The following NRXN3 variants were observed in gnomAD, a reference collection of about 807,000 sequenced individuals.
NRXN3 encodes neurexin 3.
A neutral mutation model predicts 137.6 loss-of-function variants in NRXN3; 32 were observed. The ratio of observed to expected loss-of-function variants is 0.23; its 90% CI spans 0.18 to 0.31. The LOEUF is 0.31. Ranked by LOEUF, NRXN3 falls within the 10% of genes least tolerant of loss-of-function variation. NRXN3 has a pLI of 1.00. For synonymous variants in NRXN3, 798 were observed against 784.5 expected (o/e 1.02, Z -0.29); for missense variants, 1,574 against 2,062.5 (o/e 0.76, Z 4.59).
chr14:79,094,015 T>G (rs961502282), intron 15 of NRXN3, among the ~76,000 whole-genome samples: 1 of 152,132 alleles, frequency 6.6e-6, no homozygotes, highest in South Asian at 2.1e-4. Context: ...AGGAGCCCCC[T>G]AAGTCAAGCT....
chr14:79,589,632 T>C (rs2097787863), intron 16 of NRXN3, among the ~76,000 whole-genome samples: 1 of 150,680 alleles, frequency 6.6e-6, no homozygotes, highest in South Asian at 2.1e-4. Flanking sequence ...TTAGAATATA[T>C]TTTATCAAAA....
chr14:79,038,348 G>C (rs961907770), intron 15 of NRXN3, among the ~76,000 whole-genome samples: 3 of 152,086 alleles, frequency 2.0e-5, no homozygotes, highest in Admixed American at 6.6e-5. Context: ...ACCCTTAATA[G>C]TGGAGAAGAA....
chr14:78,464,241 A>G (rs545587220), intron 4 of NRXN3, among the ~76,000 whole-genome samples: 2 of 152,094 alleles, frequency 1.3e-5, no homozygotes, highest in Admixed American at 1.3e-4. Flanking sequence ...TTTTTAGTAG[A>G]GACTGGGTTT....
chr14:78,827,564 G>A (rs2098970439), intron 10 of NRXN3, among the ~76,000 whole-genome samples: 1 of 152,222 alleles, frequency 6.6e-6, no homozygotes, highest in South Asian at 2.1e-4. Flanking sequence ...CAGTGAAAGT[G>A]AAACACTTGC....
intron 16 of NRXN3, among the ~76,000 whole-genome samples, chr14:79,567,941 A>T (rs1389870356): frequency 6.6e-6 from 1 of 152,130 alleles, no homozygotes; most frequent in African/African-American, 2.4e-5. Flanking sequence ...CTGAAATCAC[A>T]GCACTTAGGG....
chr14:79,029,223 G>T (rs2099603433), intron 15 of NRXN3, among the ~76,000 whole-genome samples: 1 of 152,088 alleles, frequency 6.6e-6, no homozygotes, highest in South Asian at 2.1e-4. Flanking sequence ...GTTTGTGGTG[G>T]TTACTTGCCC....
chr14:78,379,562 T>G (rs2088642400), intron 4 of NRXN3, among the ~76,000 whole-genome samples: 1 of 152,180 alleles, frequency 6.6e-6, no homozygotes. Context: ...ATTCAACACT[T>G]CTTTATGATA....
chr14:79,418,994 A>C (rs780874894), intron 15 of NRXN3, among the ~76,000 whole-genome samples: 2 of 152,230 alleles, frequency 1.3e-5, no homozygotes, highest in Admixed American at 6.5e-5. Flanking sequence ...GATTGTCTGC[A>C]GTAGGGCAGG....
chr14:79,712,607 CTTTG>C (rs1295411741), intron 19 of NRXN3, among the ~76,000 whole-genome samples: 5 of 152,272 alleles, frequency 3.3e-5, no homozygotes, highest in South Asian at 2.1e-4. Context: ...TCCTGTAACT[CTTTG>C]TTTGTTAATG....
chr14:78,517,528 A>G (rs1020151589), intron 4 of NRXN3, among the ~76,000 whole-genome samples: 43 of 152,142 alleles, frequency 2.8e-4, no homozygotes, highest in African/African-American at 1.0e-3. Context: ...CAAAAAGCCC[A>G]TATGCTATCT....
chr14:79,151,271 G>A (rs1370597771), intron 15 of NRXN3, among the ~76,000 whole-genome samples: 2 of 152,006 alleles, frequency 1.3e-5, no homozygotes, highest in East Asian at 1.9e-4. Context: ...AAAGCCTCAA[G>A]ACTTCCAAAA....
At chr14:79,493,398 C>G (rs745788350) in intron 16 of NRXN3, among the ~76,000 whole-genome samples, 8 of 152,238 alleles carry the variant, frequency 5.3e-5, no homozygotes, top group Non-Finnish European at 1.0e-4. Flanking sequence ...TAGCCCAGAA[C>G]AGTGCCTACA....
rs151335414 is a variant in NRXN3, at chr14:78,993,406, A to G, written c.3262+5265A>G. Among the ~76,000 whole-genome samples, 553 of 152,246 alleles carry G rather than the reference A, an allele frequency of 3.6e-3. 2 individuals are homozygous for G. The highest frequency in any genetic ancestry group is 0.013 in the African/African-American group (528 of 41,526). ...TAAAAACCTATGTTGTTATGAACCT[A>G]TGTTGTTCCAGACCTATTGGTATAG... On this transcript the variant is annotated intron_variant, in intron 15 of 20. Transcript: ENST00000335750.
At chr14:79,535,467 G>A (rs540096189) in intron 16 of NRXN3, among the ~76,000 whole-genome samples, 4 of 152,070 alleles carry the variant, frequency 2.6e-5, no homozygotes, top group Non-Finnish European at 5.9e-5. Flanking sequence ...TTTGAGGATG[G>A]GAGGAAGCTT....
chr14:78,171,984 G>A (rs1216806593), intron 1 of NRXN3, among the ~76,000 whole-genome samples: 1 of 152,100 alleles, frequency 6.6e-6, no homozygotes. Flanking sequence ...AGAGCTGGTA[G>A]GACAAGAGCT....
intron 15 of NRXN3, among the ~76,000 whole-genome samples, chr14:79,394,717 TATATC>T (rs1480071056): frequency 1.3e-5 from 2 of 152,226 alleles, no homozygotes; most frequent in Non-Finnish European, 2.9e-5. Flanking sequence ...ATGTAAATAT[TATATC>T]AATACCAGTA....
At chr14:79,406,831 A>G (rs924381256) in intron 15 of NRXN3, among the ~76,000 whole-genome samples, 1 of 152,120 alleles carries the variant, frequency 6.6e-6, no homozygotes, top group African/African-American at 2.4e-5. Flanking sequence ...TTAAAGGATT[A>G]TTTATGTTTT....
chr14:79,034,513 A>G (rs4903811), intron 15 of NRXN3, among the ~76,000 whole-genome samples: 58,046 of 152,076 alleles, frequency 0.38, 11,641 homozygotes, highest in Admixed American at 0.49. Context: ...TCTGGGAAAT[A>G]GGAAAAGTGG....
At chr14:79,431,433 C>A (rs1345098444) in intron 15 of NRXN3, among the ~76,000 whole-genome samples, 1 of 152,118 alleles carries the variant, frequency 6.6e-6, no homozygotes, top group East Asian at 1.9e-4. Context: ...AAAATGAAGT[C>A]TTTTAAGAGA....
Sources: gnomAD v4.1 joint callset for allele counts (sites outside exome capture counted in the v4.1 genomes callset) on GRCh38, gnomAD v4.1.1 for gene constraint, MANE v1.5 for transcripts, NCBI Gene and HGNC (gene_info 2026-07-23, HGNC 2026-07-21) for gene names.